Variants in CDH13 observed in about 807,000 individuals in gnomAD.
CDH13 encodes the protein cadherin-13.
In CDH13, 24 loss-of-function variants were observed where a neutral mutation model predicts 63.8. The observed-to-expected ratio is 0.38, with a 90% CI of 0.27 to 0.53. The LOEUF is 0.53. Among genes scored for constraint, CDH13 ranks in the 20% least tolerant of loss-of-function variants. The pLI, the probability that CDH13 is intolerant of heterozygous loss-of-function variation, is 0.85. For synonymous variants in CDH13, 503 were observed against 355.3 expected (o/e 1.42, Z -4.67); for missense variants, 1,049 against 903.1 (o/e 1.16, Z -2.07).
At chr16:83,292,998 T>C (rs886785174) in intron 5 of CDH13, among the ~76,000 whole-genome samples, 2 of 152,206 alleles carry the variant, frequency 1.3e-5, no homozygotes, top group African/African-American at 4.8e-5. Context: ...ATTAAACACA[T>C]CTTTTGGACT....
chr16:83,197,897 A>G (rs2038920993), intron 4 of CDH13, among the ~76,000 whole-genome samples: 2 of 152,154 alleles, frequency 1.3e-5, no homozygotes, highest in Admixed American at 6.5e-5. Context: ...ATAAATGTCA[A>G]TATTTTAATT....
intron 1 of CDH13, among the ~76,000 whole-genome samples, chr16:82,784,720 A>T (rs1053374158): frequency 2.0e-5 from 3 of 152,158 alleles, no homozygotes; most frequent in Admixed American, 6.5e-5. Flanking sequence ...GTGAAGGGGA[A>T]GTAGAGGAGG....
At chr16:82,957,676 T>C (rs1329822786) in intron 2 of CDH13, among the ~76,000 whole-genome samples, 3 of 152,208 alleles carry the variant, frequency 2.0e-5, no homozygotes, top group African/African-American at 7.2e-5. Context: ...TAATCACTTA[T>C]TATTGTGATA....
intron 10 of CDH13, among the ~76,000 whole-genome samples, chr16:83,740,732 C>T (rs766069363): frequency 6.6e-6 from 1 of 152,116 alleles, no homozygotes; most frequent in Non-Finnish European, 1.5e-5. Flanking sequence ...GCCCTGTTCT[C>T]AGCTGTTATG....
At chr16:83,477,748 G>C (rs2073643675) in intron 6 of CDH13, among the ~76,000 whole-genome samples, 2 of 152,160 alleles carry the variant, frequency 1.3e-5, no homozygotes, top group Admixed American at 1.3e-4. Flanking sequence ...TCTACCAACA[G>C]ACAAGGTCAA....
chr16:83,241,405 A>G (rs553101326), intron 5 of CDH13, among the ~76,000 whole-genome samples: 31 of 152,126 alleles, frequency 2.0e-4, no homozygotes, highest in Non-Finnish European at 4.3e-4. Context: ...AGAAACCTCC[A>G]TGTTGTTTTC....
intron 1 of CDH13, among the ~76,000 whole-genome samples, chr16:82,641,736 C>T (rs4783249): frequency 0.58 from 87,541 of 152,014 alleles, 28,490 homozygotes; most frequent in East Asian, 0.89. Context: ...ACAAATATTA[C>T]TCAGCACTGA....
At chr16:83,059,236 TCCAC>T (rs1169181658) in intron 3 of CDH13, among the ~76,000 whole-genome samples, 1 of 152,190 alleles carries the variant, frequency 6.6e-6, no homozygotes, top group Non-Finnish European at 1.5e-5. Flanking sequence ...CTCAGAGTCA[TCCAC>T]CTGAAAAATA....
chr16:82,903,629 T>A (rs556052910), intron 2 of CDH13, among the ~76,000 whole-genome samples: 1 of 152,284 alleles, frequency 6.6e-6, no homozygotes, highest in African/African-American at 2.4e-5. Context: ...CTTCTCACAG[T>A]TTAATTGCCG....
At chr16:83,189,985 C>G (rs2038646368) in intron 4 of CDH13, among the ~76,000 whole-genome samples, 1 of 152,144 alleles carries the variant, frequency 6.6e-6, no homozygotes, top group Non-Finnish European at 1.5e-5. Flanking sequence ...GACTTTGCTC[C>G]TCATTCACCT....
intron 2 of CDH13, among the ~76,000 whole-genome samples, chr16:82,865,062 A>G (rs8053647): frequency 6.6e-6 from 1 of 152,096 alleles, no homozygotes; most frequent in Non-Finnish European, 1.5e-5. Flanking sequence ...TGTCTCACAT[A>G]CAGGTCACCC....
intron 3 of CDH13, among the ~76,000 whole-genome samples, chr16:83,102,913 T>C (rs910720863): frequency 4.9e-5 from 3 of 61,094 alleles, no homozygotes; most frequent in East Asian, 3.5e-4. Flanking sequence ...TAAACTTTCT[T>C]TTTTTTTTTT....
intron 3 of CDH13, among the ~76,000 whole-genome samples, chr16:83,054,898 C>A (rs996713493): frequency 3.3e-5 from 5 of 152,060 alleles, no homozygotes; most frequent in African/African-American, 1.2e-4. Context: ...ATGCATTCTG[C>A]AGTGTTCACG....
chr16:83,480,376 G>T (rs755411601), intron 6 of CDH13, among the ~76,000 whole-genome samples: 5 of 152,132 alleles, frequency 3.3e-5, no homozygotes, highest in African/African-American at 1.2e-4. Context: ...GTGAGGCCAG[G>T]TTTTAAAAAT....
At chr16:83,211,826 T>G (rs2039347695) in intron 4 of CDH13, among the ~76,000 whole-genome samples, 1 of 152,086 alleles carries the variant, frequency 6.6e-6, no homozygotes. Context: ...GTGTGCTATT[T>G]ACATGCCCTT....
chr16:83,624,528 C>CCAATT, intron 8 of CDH13, among the ~76,000 whole-genome samples: 1 of 152,222 alleles, frequency 6.6e-6, no homozygotes, highest in South Asian at 2.1e-4. Context: ...CCTCTCATTC[C>CCAATT]CAGTTCACAA....
chr16:83,079,652 C>CT (rs1168413379), intron 3 of CDH13, among the ~76,000 whole-genome samples: 1 of 152,170 alleles, frequency 6.6e-6, no homozygotes, highest in Non-Finnish European at 1.5e-5. Flanking sequence ...TCCTTGCTGC[C>CT]TACACTCATA....
intron 3 of CDH13, among the ~76,000 whole-genome samples, chr16:83,070,082 A>G (rs2032322164): frequency 6.6e-6 from 1 of 152,186 alleles, no homozygotes; most frequent in East Asian, 1.9e-4. Flanking sequence ...GTTTTCACCT[A>G]AAATATCACA....
At chr16:83,278,986 G>A (rs1204063379) in intron 5 of CDH13, among the ~76,000 whole-genome samples, 1 of 152,124 alleles carries the variant, frequency 6.6e-6, no homozygotes, top group Non-Finnish European at 1.5e-5. Context: ...GCCTTATACT[G>A]TAGTAGTGAC....
Sources: allele counts gnomAD v4.1 joint callset (sites outside exome capture counted in the v4.1 genomes callset), GRCh38; gene constraint gnomAD v4.1.1; transcripts MANE v1.5; gene names NCBI Gene and HGNC (gene_info 2026-07-23, HGNC 2026-07-21).